ARFGEF2: variants seen among roughly 807,000 people sequenced by gnomAD.
ARFGEF2 encodes ARF guanine nucleotide exchange factor 2.
In ARFGEF2, 74 loss-of-function variants were observed where a neutral mutation model predicts 219.9. The ratio of observed to expected loss-of-function variants is 0.34; its 90% CI spans 0.28 to 0.41. ARFGEF2 has a LOEUF of 0.41. ARFGEF2 is among the 10% of genes least tolerant of loss of function. ARFGEF2 has a pLI of 1.00. For missense variants in ARFGEF2, 1,743 were observed against 2,218.3 expected, an observed-to-expected ratio of 0.79 and a Z score of 4.30; for synonymous variants, 733 against 799.2, an observed-to-expected ratio of 0.92 and a Z score of 1.40.
At chr20:48,999,518 G>A (rs2091411889) in intron 25 of ARFGEF2, among the ~76,000 whole-genome samples, 1 of 152,168 alleles carries the variant, frequency 6.6e-6, no homozygotes, top group Non-Finnish European at 1.5e-5. Flanking sequence ...GGAGGCTGAG[G>A]CAGGTGGATC....
At chr20:48,983,663 A>G (rs2091309676) in intron 14 of ARFGEF2, among the ~76,000 whole-genome samples, 1 of 151,964 alleles carries the variant, frequency 6.6e-6, no homozygotes, top group African/African-American at 2.4e-5. Flanking sequence ...AGCTCTTTTT[A>G]CCATGGTGCC....
At chr20:49,021,823 T>TGAC (rs1485236493) in intron 34 of ARFGEF2, among the ~76,000 whole-genome samples, 1 of 141,060 alleles carries the variant, frequency 7.1e-6, no homozygotes, top group East Asian at 2.0e-4. Flanking sequence ...TCAGCCTGGG[T>TGAC]GACACAGCGA....
At chr20:48,962,717 G>A (rs899957158) in intron 6 of ARFGEF2, among the ~76,000 whole-genome samples, 1 of 152,138 alleles carries the variant, frequency 6.6e-6, no homozygotes, top group African/African-American at 2.4e-5. Flanking sequence ...ACTTTGCCAC[G>A]TAGATAGTTC....
At chr20:48,963,100 A>G (rs1359572780) in intron 6 of ARFGEF2, among the ~76,000 whole-genome samples, 3 of 150,402 alleles carry the variant, frequency 2.0e-5, no homozygotes, top group African/African-American at 7.4e-5. Context: ...TGCTTGAGCC[A>G]AGGAGGTGGA....
chr20:48,970,546 G>A (rs2091219899), intron 9 of ARFGEF2, among the ~76,000 whole-genome samples: 1 of 152,088 alleles, frequency 6.6e-6, no homozygotes, highest in African/African-American at 2.4e-5. Flanking sequence ...GGAGACGGAG[G>A]TTGCAGTGAG....
chr20:49,018,959 A>G lies in ARFGEF2; in HGVS notation c.4585A>G (p.Asn1529Asp). The G allele has an allele frequency of 1.2e-6, 2 of 1,614,068 alleles. No individual in the cohort carries two copies. The highest frequency in any genetic ancestry group is 1.1e-5 in the South Asian group (1 of 91,084). ...TGAGAGGGGACAGAGCCAGCTCTCT[A>G]ACCCAACAGATGACAGCTGGAAGGG... Reference protein sequence around the residue: ...PSERGQSQLSNPTDDSWKGRP... With the variant: ...PSERGQSQLSDPTDDSWKGRP... Residue 1529 changes from asparagine (N) to aspartate (D), a missense_variant, in exon 34 of 39, where the codon AAC (asparagine) becomes GAC (aspartate). This residue lies in a region of ARFGEF2 where 578 missense variants were observed against 664.0 expected (regional missense o/e 0.87). Coordinates refer to ENST00000371917, the MANE Select transcript of ARFGEF2 (RefSeq NM_006420.3).
In ARFGEF2 at chr20:48,926,449, T is replaced by C. The variant is rs553111913; in HGVS notation, c.121+4439T>C. Among the ~76,000 whole-genome samples, 3 of 152,088 alleles carry C rather than the reference T, an allele frequency of 2.0e-5. No individual in the cohort carries two copies. The South Asian group carries it at 6.2e-4, about 32-fold the overall frequency. On this transcript the variant is annotated intron_variant, in intron 1 of 38. Coordinates refer to ENST00000371917, the MANE Select transcript of ARFGEF2 (RefSeq NM_006420.3). Reference sequence around the variant, plus strand: ...TTACACATAAGTTTCATTTGAGTTATTCAGTTTTTCTTTTTTTTTTTTGAG... The same window carrying C: ...TTACACATAAGTTTCATTTGAGTTACTCAGTTTTTCTTTTTTTTTTTTGAG...
chr20:49,005,457 G>A (rs984370166), intron 26 of ARFGEF2, among the ~76,000 whole-genome samples: 17 of 152,102 alleles, frequency 1.1e-4, no homozygotes, highest in East Asian at 1.9e-4. Flanking sequence ...GTCGTGAACC[G>A]GCTGGGCACA....
intron 23 of ARFGEF2, 114 bp from the exon 24 acceptor site, chr20:48,998,079 T>G: frequency 1.1e-6 from 1 of 944,080 alleles, no homozygotes; most frequent in Non-Finnish European, 1.7e-6. Flanking sequence ...AGGCTGGTTT[T>G]GAACTCCTGA....
chr20:48,959,998 G>A (rs1346745570), intron 6 of ARFGEF2, among the ~76,000 whole-genome samples: 1 of 152,166 alleles, frequency 6.6e-6, no homozygotes, highest in African/African-American at 2.4e-5. Context: ...TATTGCTTAA[G>A]GTGAGTTAAA....
intron 23 of ARFGEF2, among the ~76,000 whole-genome samples, chr20:48,997,545 T>C (rs2091399592): frequency 6.6e-6 from 1 of 152,204 alleles, no homozygotes; most frequent in Admixed American, 6.5e-5. Context: ...AGTGCTGGGA[T>C]TGCAGGCATG....
intron 16 of ARFGEF2, 79 bp downstream of exon 16, chr20:48,985,692 A>C: frequency 6.9e-7 from 1 of 1,440,670 alleles, no homozygotes; most frequent in Non-Finnish European, 9.6e-7. Context: ...GTTGGGGTTT[A>C]ATCTTTGTAT....
At chr20:49,020,379 A>G (rs2091558595) in intron 34 of ARFGEF2, among the ~76,000 whole-genome samples, 1 of 152,226 alleles carries the variant, frequency 6.6e-6, no homozygotes, top group Non-Finnish European at 1.5e-5. Flanking sequence ...TGGGACTGGC[A>G]TGCTGTCTTT....
Position 48,952,729 on chromosome 20 carries a change from C to G in ARFGEF2, c.448C>G (p.Pro150Ala). 1 of 1,614,190 alleles carries G rather than the reference C, an allele frequency of 6.2e-7. No individual in the cohort carries two copies. ...IKALLTAVTS[P>A]HIEIHEGTIL... Reference sequence around the variant, plus strand: ...GGCTCTTCTGACTGCAGTGACTTCCCCACACATTGAAATTCATGAGGGTAC... The same window carrying G: ...GGCTCTTCTGACTGCAGTGACTTCCGCACACATTGAAATTCATGAGGGTAC... The change falls in exon 5 of 39, where the codon CCA becomes GCA. Residue 150 changes from proline to alanine, a missense_variant. Transcript: ENST00000371917.
intron 8 of ARFGEF2, among the ~76,000 whole-genome samples, chr20:48,968,563 T>C (rs1281221442): frequency 6.6e-6 from 1 of 151,946 alleles, no homozygotes; most frequent in Non-Finnish European, 1.5e-5. Flanking sequence ...GGTTTCACTA[T>C]GTTGGCCAAG....
At chr20:49,032,968 G>A (rs1348497456) in intron 38 of ARFGEF2, 55 bp from the exon 39 acceptor site, 1 of 1,485,210 alleles carries the variant, frequency 6.7e-7, no homozygotes, top group Non-Finnish European at 9.4e-7. Flanking sequence ...TGAAAAACTG[G>A]TGCCCAAAAA....
chr20:48,976,816 CA>C (rs1467896748), intron 14 of ARFGEF2, among the ~76,000 whole-genome samples: 1 of 152,058 alleles, frequency 6.6e-6, no homozygotes, highest in African/African-American at 2.4e-5. Flanking sequence ...TCAACAACAA[CA>C]AAAAATTACT....
At chr20:48,940,616 C>G (rs920164412) in intron 1 of ARFGEF2, among the ~76,000 whole-genome samples, 3 of 152,200 alleles carry the variant, frequency 2.0e-5, no homozygotes, top group Admixed American at 6.5e-5. Context: ...CAGAAAGCCT[C>G]GGTTCAAATT....
rs2123543367 is a variant in ARFGEF2, at chr20:49,018,973, C to T, written c.4599C>T (p.Asp1533=). The change falls in exon 34 of 39, where the codon GAC becomes GAT. Residue 1533 remains aspartate, a synonymous_variant. Transcript: ENST00000371917. The stretch of plus-strand genomic sequence containing the variant: ...GCCAGCTCTCTAACCCAACAGATGA[C>T]AGCTGGAAGGGTAGACCATACGCAA... The part of the protein sequence containing the change: ...GQSQLSNPTD[D]SWKGRPYANQ... 1 of 1,613,908 alleles carries T rather than the reference C, an allele frequency of 6.2e-7. No individual in the cohort carries two copies. Among genetic ancestry groups the T allele is most frequent in the African/African-American group, 1.3e-5 (1 of 75,046 alleles).
Sources: gnomAD v4.1 joint callset for allele counts (sites outside exome capture counted in the v4.1 genomes callset) on GRCh38, gnomAD v4.1.1 for gene constraint, gnomAD v4.1.1 regional missense constraint, MANE v1.5 for transcripts, NCBI Gene and HGNC (gene_info 2026-07-23, HGNC 2026-07-21) for gene names.